Variants in LINGO2 observed in about 807,000 individuals in gnomAD.
The protein encoded by LINGO2 is leucine-rich repeat and immunoglobulin-like domain-containing nogo receptor-interacting protein 2.
In LINGO2, 14 loss-of-function variants were observed where a neutral mutation model predicts 30.6. That is an observed-to-expected ratio of 0.46 (90% CI 0.30 to 0.72). The LOEUF is 0.72. Among genes scored for constraint, LINGO2 ranks in the 30% least tolerant of loss-of-function variants. The pLI is 0.07. For synonymous variants in LINGO2, 317 were observed against 288.5 expected (o/e 1.10, Z -1.00); for missense variants, 729 against 751.7 (o/e 0.97, Z 0.35).
At chr9:28,840,748 T>C in the LINGO2 span, among the ~76,000 whole-genome samples, 3 of 151,990 alleles carry the variant, frequency 2.0e-5, no homozygotes, top group Non-Finnish European at 4.4e-5. Flanking sequence ...CAATTAGCTA[T>C]AGAAAAGTTA....
the LINGO2 span, among the ~76,000 whole-genome samples, chr9:28,928,650 AACACAGTGGAT>A: frequency 6.6e-6 from 1 of 152,202 alleles, no homozygotes; most frequent in Non-Finnish European, 1.5e-5. Flanking sequence ...GGACATGAAA[AACACAGTGGAT>A]AGGATAAAAG....
the LINGO2 span, among the ~76,000 whole-genome samples, chr9:29,114,576 T>C: frequency 3.7e-5 from 4 of 108,376 alleles, no homozygotes; most frequent in African/African-American, 1.4e-4. Flanking sequence ...TGACAGGCCC[T>C]GGTGTGTGAT....
intron 4 of LINGO2, among the ~76,000 whole-genome samples, chr9:28,272,184 C>T (rs1345009583): frequency 6.6e-6 from 1 of 152,122 alleles, no homozygotes; most frequent in African/African-American, 2.4e-5. Context: ...CCTTTGCCTA[C>T]TGACCCCATG....
chr9:29,000,435 T>C, the LINGO2 span, among the ~76,000 whole-genome samples: 4 of 151,942 alleles, frequency 2.6e-5, no homozygotes, highest in Non-Finnish European at 5.9e-5. Context: ...TTATACAATA[T>C]GTATATTTAA....
At chr9:28,364,811 G>A (rs1237283262) in intron 3 of LINGO2, among the ~76,000 whole-genome samples, 1 of 152,144 alleles carries the variant, frequency 6.6e-6, no homozygotes, top group Non-Finnish European at 1.5e-5. Flanking sequence ...AGCTTTCTTT[G>A]TTTAATCACT....
chr9:28,193,470 G>A (rs1819894322), intron 4 of LINGO2, among the ~76,000 whole-genome samples: 1 of 152,060 alleles, frequency 6.6e-6, no homozygotes, highest in Admixed American at 6.6e-5. Context: ...AAATTGGACA[G>A]TAAAGGAAGA....
At chr9:28,635,821 T>A (rs567086628) in intron 1 of LINGO2, among the ~76,000 whole-genome samples, 1 of 152,212 alleles carries the variant, frequency 6.6e-6, no homozygotes, top group South Asian at 2.1e-4. Context: ...TTTTTGTTTG[T>A]CTGTTTGTTT....
At chr9:28,946,257 A>G in the LINGO2 span, among the ~76,000 whole-genome samples, 1 of 152,168 alleles carries the variant, frequency 6.6e-6, no homozygotes, top group Non-Finnish European at 1.5e-5. Flanking sequence ...ATATAGGGTT[A>G]CTACAGAGAA....
rs1288954416 is a variant in LINGO2, at chr9:28,041,040, A to G, written c.-86-28635T>C. Among the ~76,000 whole-genome samples, 4 of 152,202 alleles carry G rather than the reference A, an allele frequency of 2.6e-5. No individual in the cohort carries two copies. The East Asian group carries it at 5.8e-4, about 22-fold the overall frequency. ...CAACTGTGTCTTGTCCTCTAGGTAGAATACCACAGCACTACTGTTAGCATT... is the reference window on the plus strand; with the variant it reads ...CAACTGTGTCTTGTCCTCTAGGTAGGATACCACAGCACTACTGTTAGCATT... On this transcript the variant is annotated intron_variant, in intron 4 of 5. Transcript: ENST00000379992.
chr9:28,481,127 GT>G (rs1825947754), intron 1 of LINGO2, among the ~76,000 whole-genome samples: 3 of 152,070 alleles, frequency 2.0e-5, no homozygotes, highest in Non-Finnish European at 4.4e-5. Context: ...TGGGCTCAAA[GT>G]CTTCAAATGT....
At chr9:28,625,299 T>C (rs980967577) in intron 1 of LINGO2, among the ~76,000 whole-genome samples, 4 of 152,144 alleles carry the variant, frequency 2.6e-5, no homozygotes, top group South Asian at 2.1e-4. Flanking sequence ...AGTCACTGTG[T>C]TCTCCCTCTC....
chr9:27,965,118 A>G (rs149163098), intron 5 of LINGO2, among the ~76,000 whole-genome samples: 140 of 152,244 alleles, frequency 9.2e-4, no homozygotes, highest in African/African-American at 3.1e-3. Context: ...ACAGGCAAAG[A>G]CTATTAAGGA....
At chr9:28,061,449 G>C (rs1016042743) in intron 4 of LINGO2, among the ~76,000 whole-genome samples, 2 of 151,410 alleles carry the variant, frequency 1.3e-5, no homozygotes, top group African/African-American at 4.9e-5. Context: ...TACCTTTTTT[G>C]TTTATGTGCA....
intron 1 of LINGO2, among the ~76,000 whole-genome samples, chr9:28,633,142 G>C: frequency 6.6e-6 from 1 of 151,698 alleles, no homozygotes; most frequent in African/African-American, 2.4e-5. Context: ...TTATTCTCTG[G>C]AAGCTGACTA....
the LINGO2 span, among the ~76,000 whole-genome samples, chr9:28,974,024 A>G: frequency 6.6e-6 from 1 of 152,334 alleles, no homozygotes; most frequent in Admixed American, 6.5e-5. Context: ...GTGGTGTGTA[A>G]ACTACTCTTA....
intron 4 of LINGO2, among the ~76,000 whole-genome samples, chr9:28,136,719 G>T (rs921608313): frequency 2.0e-5 from 3 of 152,134 alleles, no homozygotes; most frequent in Non-Finnish European, 4.4e-5. Context: ...CCATAATGTA[G>T]TGTGGTAAAT....
chr9:29,006,860 G>A, the LINGO2 span, among the ~76,000 whole-genome samples: 1 of 152,038 alleles, frequency 6.6e-6, no homozygotes, highest in African/African-American at 2.4e-5. Context: ...TGCTCTCCAA[G>A]GTCCTTTGAT....
Position 28,111,196 on chromosome 9 carries a change from T to G in LINGO2, c.-86-98791A>C, listed in dbSNP as rs965118639. On this transcript the variant is annotated intron_variant, in intron 4 of 5. Coordinates refer to ENST00000379992, the Ensembl canonical transcript of LINGO2. ...GTGGGAGTCGAATAATGAGAACACA[T>G]GCACACAGGGAGGGGAACATCACAC... Among the ~76,000 whole-genome samples, 4 of 151,902 alleles carry G rather than the reference T, an allele frequency of 2.6e-5. No homozygotes were observed. The South Asian group carries it at 8.3e-4, about 32-fold the overall frequency.
chr9:28,484,363 A>T (rs1826088059), intron 1 of LINGO2, among the ~76,000 whole-genome samples: 1 of 152,178 alleles, frequency 6.6e-6, no homozygotes, highest in African/African-American at 2.4e-5. Flanking sequence ...GAAGGCTTGT[A>T]CCTGTCATAC....
Sources: allele counts gnomAD v4.1 joint callset (sites outside exome capture counted in the v4.1 genomes callset), GRCh38; gene constraint gnomAD v4.1.1; transcripts MANE v1.5; gene names NCBI Gene and HGNC (gene_info 2026-07-23, HGNC 2026-07-21).